Variants in NSD3 observed in about 807,000 individuals in gnomAD.
The protein encoded by NSD3 is histone-lysine N-methyltransferase NSD3.
Under a neutral mutation model 160.8 loss-of-function variants are expected in NSD3, and 24 were observed. That is an observed-to-expected ratio of 0.15 (90% confidence interval 0.11 to 0.21). The LOEUF is 0.21. Among genes scored for constraint, NSD3 ranks in the 10% least tolerant of loss-of-function variants. The pLI is 1.00. For missense variants in NSD3, 1,157 were observed against 1,735.9 expected, an observed-to-expected ratio of 0.67 and a Z score of 5.93; for synonymous variants, 520 against 600.0, an observed-to-expected ratio of 0.87 and a Z score of 1.95.
intron 12 of NSD3, among the ~76,000 whole-genome samples, chr8:38,308,746 G>C (rs1174056780): frequency 6.6e-6 from 1 of 152,186 alleles, no homozygotes; most frequent in Non-Finnish European, 1.5e-5. Context: ...AGCCCAGGAG[G>C]TCGAGGCTGC....
intron 12 of NSD3, among the ~76,000 whole-genome samples, chr8:38,309,854 T>C (rs1451941403): frequency 6.6e-6 from 1 of 152,200 alleles, no homozygotes; most frequent in African/African-American, 2.4e-5. Flanking sequence ...ATTAGGTATG[T>C]ACCTGCAATA....
In NSD3 at chr8:38,329,774, A is replaced by C. The variant is rs780668072; in HGVS notation, c.1185T>G (p.Ile395Met). 6 of 1,614,058 alleles carry C rather than the reference A, an allele frequency of 3.7e-6. No individual in the cohort carries two copies. The African/African-American group carries it at 5.3e-5, about 14-fold the overall frequency. Residue 395 changes from isoleucine to methionine, a missense_variant, in exon 6 of 24, where the codon ATT becomes ATG. Around this residue, in one of 10 missense-constraint regions of NSD3, gnomAD observed 168 missense variants for 208.1 expected, o/e 0.81. Transcript: ENST00000317025. This position sits in a 1 kb window ranked among gnomAD's most constrained non-coding sequence, Gnocchi z 4.8. ...ERIEQYTFIY[I>M]DKQPEEALSQ... ...ATAAAGCCTCTTCAGGCTGTTTATC[A>C]ATGTAAATAAAAGTATACTGTTCTA...
At chr8:38,292,407 G>A (rs1363271131) in intron 16 of NSD3, among the ~76,000 whole-genome samples, 2 of 152,216 alleles carry the variant, frequency 1.3e-5, no homozygotes, top group Non-Finnish European at 2.9e-5. Context: ...AGCACTTGGG[G>A]AGGTTGTGGC....
chr8:38,290,364 A>T, intron 17 of NSD3, 111 bp downstream of exon 17: 1 of 1,081,498 alleles, frequency 9.2e-7, no homozygotes, highest in Non-Finnish European at 1.4e-6. Flanking sequence ...ACAGGATCAT[A>T]ATGTCTAGTG....
chr8:38,351,727 T>C (rs1035536484), intron 1 of NSD3, among the ~76,000 whole-genome samples: 3 of 150,982 alleles, frequency 2.0e-5, no homozygotes, highest in African/African-American at 7.3e-5. Context: ...TGTAGGGACA[T>C]GGACGAAGCT....
At chr8:38,363,713 C>G (rs113807666) in intron 1 of NSD3, among the ~76,000 whole-genome samples, 1 of 151,846 alleles carries the variant, frequency 6.6e-6, no homozygotes, top group African/African-American at 2.4e-5. Context: ...CTCCTAGAGC[C>G]TCCAGAAGGA....
At chr8:38,361,526 C>A (rs1445555769) in intron 1 of NSD3, among the ~76,000 whole-genome samples, 2 of 149,334 alleles carry the variant, frequency 1.3e-5, no homozygotes, top group Non-Finnish European at 1.5e-5. Flanking sequence ...GAGGCCGAGG[C>A]GGGCGGATCA....
At chr8:38,337,142 CA>C (rs1004766263) in intron 4 of NSD3, among the ~76,000 whole-genome samples, 162 bp downstream of exon 4, 43 of 73,388 alleles carry the variant, frequency 5.9e-4, no homozygotes, top group Admixed American at 7.7e-4. Context: ...AACTCCGTCT[CA>C]AAAAAAAAAA....
In NSD3 at chr8:38,316,146, G is replaced by A; in HGVS notation, c.1856-104C>T. On this transcript the variant is annotated intron_variant, in intron 9 of 23. Transcript: ENST00000317025. This position sits in a 1 kb window ranked among gnomAD's most constrained non-coding sequence, Gnocchi z 4.5. Reference sequence around the variant, plus strand: ...TTCTTTTCTCAAACTCATCTTTAGTGTGGAAAAAGCATAGCTCTCTTTGTA... The same window carrying A: ...TTCTTTTCTCAAACTCATCTTTAGTATGGAAAAAGCATAGCTCTCTTTGTA... The A allele has an allele frequency of 6.8e-7, 1 of 1,465,706 alleles. No individual in the cohort carries two copies. Among genetic ancestry groups the A allele is most frequent in the South Asian group, 1.3e-5 (1 of 74,318 alleles). The allele number at this position is 1,465,706 out of a possible 1,614,324, so 90.8% of individuals were successfully genotyped here.
chr8:38,285,750 AT>A (rs1808840922), intron 19 of NSD3, among the ~76,000 whole-genome samples: 1 of 152,214 alleles, frequency 6.6e-6, no homozygotes, highest in African/African-American at 2.4e-5. Flanking sequence ...GACATTTTAG[AT>A]GTGGTTGGCC....
rs752819608 is a variant in NSD3 at position 38,271,226 on chromosome 8, T to G, written c.*4415A>C. ...ATCCACGCTAAAGAGGATAAGAGACTAGGCTATTTATTTTCAAAACAGTTT... is the reference window on the plus strand; with the variant it reads ...ATCCACGCTAAAGAGGATAAGAGACGAGGCTATTTATTTTCAAAACAGTTT... On this transcript the variant is annotated 3_prime_UTR_variant, in exon 24 of 24. Transcript: ENST00000317025. 1.8e-4 allele frequency: 28 copies of G among 152,188 alleles called. No homozygotes were observed. Among genetic ancestry groups the G allele is most frequent in the Non-Finnish European group, 2.5e-4 (17 of 68,030 alleles). 9.4% of individuals were successfully genotyped at this position (152,188 alleles called of 1,614,324 possible). A position where few individuals can be genotyped will look rare whatever the true frequency, so the allele number is the denominator to read the frequency against.
chr8:38,357,686 T>A (rs1317184635), intron 1 of NSD3, among the ~76,000 whole-genome samples: 1 of 152,118 alleles, frequency 6.6e-6, no homozygotes, highest in African/African-American at 2.4e-5. Flanking sequence ...TTTATGTGAG[T>A]TTTCTTAAGA....
intron 14 of NSD3, among the ~76,000 whole-genome samples, chr8:38,300,715 T>G (rs147251110): frequency 3.9e-5 from 6 of 152,322 alleles, no homozygotes; most frequent in Non-Finnish European, 5.9e-5. Context: ...CTCCTAAACC[T>G]AGGCAACTGT....
chr8:38,312,537 A>G (rs1190640498), intron 12 of NSD3, among the ~76,000 whole-genome samples: 2 of 152,134 alleles, frequency 1.3e-5, no homozygotes, highest in African/African-American at 2.4e-5. Context: ...ATAATCCCCA[A>G]TGTTGGAAGT....
chr8:38,296,042 ATT>A (rs992897678), intron 15 of NSD3, 90 bp from the exon 16 acceptor site: 31 of 1,331,502 alleles, frequency 2.3e-5, no homozygotes, highest in Admixed American at 2.9e-5. Context: ...AGCACATTAA[ATT>A]TGTTTCAAAT....
At chr8:38,303,338 AT>A in intron 14 of NSD3, 1 of 985,412 alleles carries the variant, frequency 1.0e-6, no homozygotes, top group Non-Finnish European at 1.2e-6. Context: ...AGCAGGAAAC[AT>A]TTCAGACCTA....
At chr8:38,347,074 T>C (rs964750157) in intron 2 of NSD3, among the ~76,000 whole-genome samples, 1 of 152,218 alleles carries the variant, frequency 6.6e-6, no homozygotes, top group African/African-American at 2.4e-5. Flanking sequence ...AGATTTCTAT[T>C]ATTTCAGGTT....
chr8:38,363,405 A>T (rs1315806061), intron 1 of NSD3, among the ~76,000 whole-genome samples: 1 of 152,146 alleles, frequency 6.6e-6, no homozygotes, highest in South Asian at 2.1e-4. Flanking sequence ...GCACTTTGGG[A>T]GGCAGAGGCG....
In NSD3 at chr8:38,318,026, C is replaced by T. The variant is rs1809710770; in HGVS notation, c.1855+869G>A. On this transcript the variant is annotated intron_variant, in intron 9 of 23. Transcript: ENST00000317025. The surrounding 1 kb of genome is among the most constrained non-coding windows in gnomAD (Gnocchi z 5.3). ...GAATCTGACAGAGCCCTGCACTCCC[C>T]GGTCCGCCGACCCTGTGGAATGGTG... is the stretch of plus-strand genomic sequence containing the variant. 1 of 1,613,970 alleles carries T rather than the reference C, an allele frequency of 6.2e-7. No individual in the cohort carries two copies. The highest frequency in any genetic ancestry group is 1.3e-5 in the African/African-American group (1 of 74,902).
Sources: gnomAD v4.1 joint callset for allele counts (sites outside exome capture counted in the v4.1 genomes callset) on GRCh38, gnomAD v4.1.1 for gene constraint, gnomAD v4.1.1 regional missense constraint, Gnocchi (gnomAD v3.1) non-coding constraint, MANE v1.5 for transcripts, NCBI Gene and HGNC (gene_info 2026-07-23, HGNC 2026-07-21) for gene names.